The following PRDM7 variants were observed in gnomAD, a reference collection of about 807,000 sequenced individuals.
PRDM7 encodes the protein PR/SET domain 7.
Under a neutral mutation model 64.3 loss-of-function variants are expected in PRDM7, and 52 were observed. The observed-to-expected ratio is 0.81, with a 90% CI of 0.65 to 1.02. The LOEUF (loss-of-function observed/expected upper bound fraction) is 1.02, where lower values mean the gene tolerates loss of function less well. PRDM7 is among the 50% of genes least tolerant of loss of function. The pLI is 0.00. For missense variants in PRDM7, 574 were observed against 597.1 expected (o/e 0.96, Z 0.40); for synonymous variants, 192 against 210.1 (o/e 0.91, Z 0.74).
At chr16:90,066,596 G>A (rs1453068783) in intron 5 of PRDM7, among the ~76,000 whole-genome samples, 3 of 151,148 alleles carry the variant, frequency 2.0e-5, no homozygotes, top group Admixed American at 6.6e-5. Context: ...GGTACTATAT[G>A]TGAAGTTGAA....
chr16:90,076,398 T>C (rs182255633), intron 1 of PRDM7, among the ~76,000 whole-genome samples: 130 of 152,174 alleles, frequency 8.5e-4, no homozygotes, highest in African/African-American at 2.6e-3. Context: ...CGAGGCAAAA[T>C]GAACATTTTG....
In PRDM7 at chr16:90,075,934, C is replaced by T. The variant is rs1423006555; in HGVS notation, c.-24G>A. 4.3e-6 allele frequency: 7 copies of T among 1,610,550 alleles called. No individual in the cohort carries two copies. Among genetic ancestry groups the T allele is most frequent in the African/African-American group, 4.0e-5 (3 of 74,866 alleles). On this transcript the variant is annotated 5_prime_UTR_variant, in exon 2 of 11. Transcript: ENST00000449207. This position sits in a 1 kb window ranked among gnomAD's most constrained non-coding sequence, Gnocchi z 4.3. ...ATGGTGCTGGGACTGTCTAGAAGGC[C>T]CTGCTCCAATTCTGAGTGTGGGAAG... is the stretch of plus-strand genomic sequence containing the variant.
chr16:90,063,837 T>C, intron 5 of PRDM7, 69 bp from the exon 6 acceptor site: 3 of 1,555,910 alleles, frequency 1.9e-6, no homozygotes, highest in Non-Finnish European at 2.6e-6. Context: ...TTGCAACATG[T>C]TTTCATATGA....
chr16:90,061,381 GA>G (rs1023140062), intron 9 of PRDM7, 70 bp downstream of exon 9: 1 of 1,471,846 alleles, frequency 6.8e-7, no homozygotes, highest in African/African-American at 1.4e-5. Flanking sequence ...GAGGCATAAT[GA>G]GAAGGAAGGA....
chr16:90,056,999 T>C lies in PRDM7; in HGVS notation c.*1290A>G, dbSNP rs774326504. 6.6e-6 allele frequency: 1 copy of C among 152,208 alleles called. No individual in the cohort carries two copies. The highest frequency in any genetic ancestry group is 1.5e-5 in the Non-Finnish European group (1 of 68,052). The allele number at this position is 152,208 out of a possible 1,614,324, so 9.4% of individuals were successfully genotyped here. A position where few individuals can be genotyped will look rare whatever the true frequency, so the allele number is the denominator to read the frequency against. ...ATAAAACAGTATGAGAGGGTCTGTC[T>C]CTCTTCTCTCAGAGTATTCAATTTC... On this transcript the variant is annotated 3_prime_UTR_variant, in exon 11 of 11. Coordinates refer to ENST00000449207, the MANE Select transcript of PRDM7 (RefSeq NM_001098173.2).
At position 90,062,468 on chromosome 16, in the gene PRDM7, A is replaced by G. The variant is rs188033705; in HGVS notation, c.543T>C (p.Tyr181=). ...LRRKETEGKM[Y]SLRERKGHAY... is the part of the protein sequence containing the mutation. ...CATGACCCTTTCTTTCTCGCAGGCT[A>G]TACATCTTTCCTTCAGTCTCCTTCC... Residue 181 remains tyrosine (Y), a synonymous_variant, in exon 7 of 11, where the codon TAT becomes TAC. Coordinates refer to ENST00000449207, the MANE Select transcript of PRDM7 (RefSeq NM_001098173.2). 1,513 of 1,614,110 alleles carry G rather than the reference A, an allele frequency of 9.4e-4. 6 individuals are homozygous for G. The highest frequency in any genetic ancestry group is 2.1e-3 in the Middle Eastern group (13 of 6,062).
intron 4 of PRDM7, among the ~76,000 whole-genome samples, chr16:90,068,431 C>T (rs1335568080): frequency 6.0e-5 from 9 of 150,646 alleles, no homozygotes; most frequent in African/African-American, 1.5e-4. Context: ...GTCAGGAGAT[C>T]GAGACCATCC....
Position 90,067,119 on chromosome 16 carries a change from C to A in PRDM7, c.302-209G>T, listed in dbSNP as rs887875616. On this transcript the variant is annotated intron_variant, in intron 4 of 10. Coordinates refer to ENST00000449207, the MANE Select transcript of PRDM7 (RefSeq NM_001098173.2). ...TGTTGGGAACTACAGGTGTGCACCA[C>A]CACACCCAGCTAATTTTTGCATTTT... Among the ~76,000 whole-genome samples, 11 of 151,170 alleles carry A rather than the reference C, an allele frequency of 7.3e-5. 1 individual carries two copies. The highest frequency in any genetic ancestry group is 2.5e-4 in the African/African-American group (10 of 40,576).
At position 90,075,808 on chromosome 16, in the gene PRDM7, C is replaced by A; in HGVS notation, c.69+34G>T. On this transcript the variant is annotated intron_variant, in intron 2 of 10. Coordinates refer to ENST00000449207, the MANE Select transcript of PRDM7 (RefSeq NM_001098173.2). The surrounding 1 kb of genome is among the most constrained non-coding windows in gnomAD (Gnocchi z 4.3). ...GCAGCACTCCAGAGATCAGCTCCTG[C>A]TGGGAGTCTGGCTTCGCCTCCCCGA... 1 of 1,605,674 alleles carries A rather than the reference C, an allele frequency of 6.2e-7. No individual in the cohort carries two copies. The highest frequency in any genetic ancestry group is 2.2e-5 in the East Asian group (1 of 44,772).
intron 4 of PRDM7, among the ~76,000 whole-genome samples, chr16:90,074,322 A>ATCATCC (rs1026415924): frequency 1.4e-5 from 2 of 142,842 alleles, no homozygotes; most frequent in African/African-American, 5.1e-5. Flanking sequence ...CATCATCATC[A>ATCATCC]TCCCAGCATT....
rs143418225 is a variant in PRDM7, at chr16:90,056,932, C to G, written c.*1357G>C. 1.3e-5 allele frequency: 2 copies of G among 152,332 alleles called. No homozygotes were observed. The highest frequency in any genetic ancestry group is 1.5e-5 in the Non-Finnish European group (1 of 68,064). The allele number at this position is 152,332 out of a possible 1,614,324, so 9.4% of individuals were successfully genotyped here. A position where few individuals can be genotyped will look rare whatever the true frequency, so the allele number is the denominator to read the frequency against. On this transcript the variant is annotated 3_prime_UTR_variant, in exon 11 of 11. Transcript: ENST00000449207. ...GGTTCCTAGGCGCCAGGCTACCTGC[C>G]TTTAGTTTTGCTTCTTTTTCCTTTT... is the stretch of plus-strand genomic sequence containing the variant.
chr16:90,075,159 T>C lies in PRDM7; in HGVS notation c.194-136A>G. On this transcript the variant is annotated intron_variant, in intron 3 of 10. Coordinates refer to ENST00000449207, the MANE Select transcript of PRDM7 (RefSeq NM_001098173.2). The surrounding 1 kb of genome is among the most constrained non-coding windows in gnomAD (Gnocchi z 4.3). ...GGGAGAGTCTTGAACAAGGTCAAGA[T>C]GTGACCTCTGCATGGTCAGTATCCA... The C allele has an allele frequency of 7.5e-7, 1 of 1,338,228 alleles. No homozygotes were observed. Among genetic ancestry groups the C allele is most frequent in the Non-Finnish European group, 1.1e-6 (1 of 948,252 alleles). 82.9% of individuals were successfully genotyped at this position (1,338,228 alleles called of 1,614,324 possible). A position where few individuals can be genotyped will look rare whatever the true frequency, so the allele number is the denominator to read the frequency against.
chr16:90,075,448 G>A lies in PRDM7; in HGVS notation c.96C>T (p.Ser32=). Reference sequence around the variant, plus strand: ...CCCATTCTTCCTTGGTGAAGTATATGGAAATGTCTTTGAAGGCATCTTTGA... The same window carrying A: ...CCCATTCTTCCTTGGTGAAGTATATAGAAATGTCTTTGAAGGCATCTTTGA... The part of the protein sequence containing the change: ...PMVKDAFKDI[S]IYFTKEEWAE... Residue 32 remains serine, a synonymous_variant, in exon 3 of 11, where the codon TCC becomes TCT. Coordinates refer to ENST00000449207, the MANE Select transcript of PRDM7 (RefSeq NM_001098173.2). The surrounding 1 kb of genome is among the most constrained non-coding windows in gnomAD (Gnocchi z 4.3). 1 of 1,614,178 alleles carries A rather than the reference G, an allele frequency of 6.2e-7. No individual in the cohort carries two copies. Among genetic ancestry groups the A allele is most frequent in the Non-Finnish European group, 8.5e-7 (1 of 1,180,030 alleles).
intron 5 of PRDM7, among the ~76,000 whole-genome samples, chr16:90,064,942 C>T (rs906795263): frequency 2.0e-5 from 3 of 150,794 alleles, no homozygotes; most frequent in African/African-American, 7.4e-5. Context: ...TGGTCTTGAA[C>T]TCCTGACCTC....
rs114010010 is a variant in PRDM7 at position 90,071,873 on chromosome 16, T to G, written c.301+3043A>C. Among the ~76,000 whole-genome samples the G allele has an allele frequency of 8.9e-3, 1,362 of 152,234 alleles. 20 individuals are homozygous for G. Among genetic ancestry groups the G allele is most frequent in the African/African-American group, 0.031 (1,305 of 41,536 alleles). On this transcript the variant is annotated intron_variant, in intron 4 of 10. Transcript: ENST00000449207. The stretch of plus-strand genomic sequence containing the variant: ...CAGAACTACCTTCTGATCCAGAAAT[T>G]CCACTTCTGGGTATATAATATATTA...
Position 90,062,388 on chromosome 16 carries a change from A to G in PRDM7, c.610+13T>C. 6.2e-7 allele frequency: 1 copy of G among 1,613,408 alleles called. No homozygotes were observed. Among genetic ancestry groups the G allele is most frequent in the East Asian group, 2.2e-5 (1 of 44,884 alleles). On this transcript the variant is annotated intron_variant, in intron 7 of 10. Transcript: ENST00000449207. ...AACAGCAAGCTGTGTGAGTGGCTGAAAGGGTCACTCACAGAGGTAGTCATC... is the reference window on the plus strand; with the variant it reads ...AACAGCAAGCTGTGTGAGTGGCTGAGAGGGTCACTCACAGAGGTAGTCATC...
intron 7 of PRDM7, 98 bp from the exon 8 acceptor site, chr16:90,062,290 A>G (rs2037794115): frequency 1.2e-6 from 2 of 1,613,828 alleles, no homozygotes; most frequent in South Asian, 1.1e-5. Flanking sequence ...TTTAGCCCCA[A>G]TCCTGTACTT....
rs771736966 is a variant in PRDM7 at position 90,058,314 on chromosome 16, C to A, written c.1454G>T (p.Arg485Ile). 5.1e-5 allele frequency: 83 copies of A among 1,614,086 alleles called. No individual in the cohort carries two copies. Among genetic ancestry groups the A allele is most frequent in the Non-Finnish European group, 6.8e-5 (80 of 1,180,036 alleles). Residue 485 changes from arginine (R) to isoleucine (I), a missense_variant, in exon 11 of 11, where the codon AGA (arginine) becomes ATA (isoleucine). Physicochemically the swap from Arg to Ile is moderately conservative, Grantham distance 97. Coordinates refer to ENST00000449207, the MANE Select transcript of PRDM7 (RefSeq NM_001098173.2). The stretch of plus-strand genomic sequence containing the variant: ...TCAAGAGTTTGGACCTTTCTTTGAT[C>A]TCTTGACCTTTGGTTTTGTCATTAC... Reference protein sequence around the residue: ...AAVMTKPKVKRSKKGPNS With the variant: ...AAVMTKPKVKISKKGPNS
chr16:90,060,814 T>C (rs2037763700), intron 9 of PRDM7, among the ~76,000 whole-genome samples, 191 bp from the exon 10 acceptor site: 1 of 152,240 alleles, frequency 6.6e-6, no homozygotes. Context: ...CTCTAAACTC[T>C]AAATTAATTC....
Sources: allele counts gnomAD v4.1 joint callset (sites outside exome capture counted in the v4.1 genomes callset), GRCh38; gene constraint gnomAD v4.1.1; non-coding constraint Gnocchi (gnomAD v3.1); transcripts MANE v1.5; gene names NCBI Gene and HGNC (gene_info 2026-07-23, HGNC 2026-07-21).